CACNA1S: variants seen among roughly 807,000 people sequenced by gnomAD.
The protein encoded by CACNA1S is voltage-dependent L-type calcium channel subunit alpha-1S.
In CACNA1S, 126 loss-of-function variants were observed where a neutral mutation model predicts 207.4. That is an observed-to-expected ratio of 0.61 (90% confidence interval 0.53 to 0.70). The LOEUF is 0.70. Ranked by LOEUF, CACNA1S falls within the 30% of genes least tolerant of loss-of-function variation. The pLI, the probability that CACNA1S is intolerant of heterozygous loss-of-function variation, is 0.00. For missense variants in CACNA1S, 2,349 were observed against 2,422.8 expected (o/e 0.97, Z 0.64); for synonymous variants, 960 against 932.7 (o/e 1.03, Z -0.53).
At chr1:201,085,999 G>T (rs149072395) in intron 7 of CACNA1S, among the ~76,000 whole-genome samples, 3 of 152,286 alleles carry the variant, frequency 2.0e-5, no homozygotes, top group South Asian at 2.1e-4. Context: ...CAGACCAAAG[G>T]CCTGGGGAAA....
At position 201,062,523 on chromosome 1, in the gene CACNA1S, A is replaced by G; in HGVS notation, c.2854-9T>C. ...CACCTGAAGAACTTCCCCTGCAGCC[A>G]GGAAGAGGGAGGGAGGGAGGGAGGC... On this transcript the variant is annotated splice_polypyrimidine_tract_variant and intron_variant, in intron 22 of 43. Coordinates refer to ENST00000362061, the MANE Select transcript of CACNA1S (RefSeq NM_000069.3). 1 of 1,153,258 alleles carries G rather than the reference A, an allele frequency of 8.7e-7. No individual in the cohort carries two copies. The highest frequency in any genetic ancestry group is 1.2e-6 in the Non-Finnish European group (1 of 802,350). The allele number at this position is 1,153,258 out of a possible 1,614,324, so 71.4% of individuals were successfully genotyped here. A position where few individuals can be genotyped will look rare whatever the true frequency, so the allele number is the denominator to read the frequency against.
intron 32 of CACNA1S, among the ~76,000 whole-genome samples, chr1:201,052,195 T>C (rs1340186211): frequency 1.3e-5 from 2 of 152,228 alleles, no homozygotes; most frequent in Non-Finnish European, 2.9e-5. Flanking sequence ...AGCTTTGCTC[T>C]GCCTTTCCCT....
chr1:201,073,370 G>A (rs540687606), intron 15 of CACNA1S, among the ~76,000 whole-genome samples, 179 bp downstream of exon 15: 33 of 152,272 alleles, frequency 2.2e-4, no homozygotes, highest in Non-Finnish European at 2.4e-4. Flanking sequence ...CTCAGTGCAG[G>A]AGTCCCTGGA....
intron 23 of CACNA1S, 91 bp from the exon 24 acceptor site, chr1:201,062,181 G>C (rs1661075186): frequency 6.7e-7 from 1 of 1,493,920 alleles, no homozygotes; most frequent in Admixed American, 1.9e-5. Flanking sequence ...GGAGTGTGAA[G>C]GAGAAATGAA....
chr1:201,078,178 G>A (rs754144549), intron 10 of CACNA1S, 74 bp from the exon 11 acceptor site: 19 of 1,238,724 alleles, frequency 1.5e-5, no homozygotes, highest in Admixed American at 6.8e-5. Context: ...GCTGTGGCTG[G>A]GCCTCAACCC....
At chr1:201,094,443 AT>A (rs374430620) in intron 2 of CACNA1S, among the ~76,000 whole-genome samples, 3,927 of 150,688 alleles carry the variant, frequency 0.026, 168 homozygotes, top group African/African-American at 0.088. Flanking sequence ...ATTTTTGTCC[AT>A]TTTTTTTTCA....
chr1:201,099,545 A>G (rs1662562648), intron 2 of CACNA1S, among the ~76,000 whole-genome samples: 1 of 152,202 alleles, frequency 6.6e-6, no homozygotes, highest in Non-Finnish European at 1.5e-5. Context: ...CAATGGACTC[A>G]TATTCGTTGT....
At position 201,093,879 on chromosome 1, in the gene CACNA1S, C is replaced by T. The variant is rs764710968; in HGVS notation, c.398+3G>A. 85 of 1,614,030 alleles carry T rather than the reference C, an allele frequency of 5.3e-5. No individual in the cohort carries two copies. Among genetic ancestry groups the T allele is most frequent in the Non-Finnish European group, 7.0e-5 (83 of 1,180,034 alleles). On this transcript the variant is annotated splice_donor_region_variant and intron_variant, in intron 3 of 43. Transcript: ENST00000362061. ...CTTCAGTCTCCCCACACCCAGCTCT[C>T]ACCCCAGGAAGACAATGGTGAAGTC...
intron 14 of CACNA1S, 89 bp downstream of exon 14, chr1:201,074,417 A>G (rs1661532626): frequency 3.7e-6 from 3 of 800,062 alleles, no homozygotes; most frequent in East Asian, 5.2e-5. Flanking sequence ...GACCCTGATC[A>G]TTGGGTTACA....
intron 19 of CACNA1S, among the ~76,000 whole-genome samples, chr1:201,068,675 A>G (rs1661341484): frequency 6.6e-6 from 1 of 151,912 alleles, no homozygotes; most frequent in South Asian, 2.1e-4. Flanking sequence ...TATCAAGACC[A>G]TCCCAGCCAA....
Position 201,083,593 on chromosome 1 carries a change from C to T in CACNA1S, c.1233-271G>A, listed in dbSNP as rs114483353. On this transcript the variant is annotated intron_variant, in intron 9 of 43. Transcript: ENST00000362061. Reference sequence around the variant, plus strand: ...GCACAAGTGCCTGGCAAGGAGCAGACGCTCCGTGTGGTTTAATTTTAGTTA... The same window carrying T: ...GCACAAGTGCCTGGCAAGGAGCAGATGCTCCGTGTGGTTTAATTTTAGTTA... 0.013 allele frequency among the ~76,000 whole-genome samples: 2,027 copies of T among 152,274 alleles called. 46 individuals are homozygous for T. The highest frequency in any genetic ancestry group is 0.046 in the African/African-American group (1,929 of 41,552).
Position 201,083,321 on chromosome 1 carries a change from G to A in CACNA1S, c.1234C>T (p.Arg412Ter), listed in dbSNP as rs767052156. 4.3e-6 allele frequency: 7 copies of A among 1,614,146 alleles called. No homozygotes were observed. Among genetic ancestry groups the A allele is most frequent in the South Asian group, 1.1e-5 (1 of 91,070 alleles). The change falls in exon 10 of 44, where the codon CGA (arginine) becomes TGA (stop). Residue 412 changes from arginine (R) to a stop codon, truncating the protein, a stop_gained and splice_region_variant. Coordinates refer to ENST00000362061, the MANE Select transcript of CACNA1S (RefSeq NM_000069.3). LOFTEE classifies it high-confidence loss of function. ...ATGCGGTTCCACTGCCTCCAATGTC[G>A]GCTGAGGGAGGGGACAGAGGATGGT... ...AGLNKIIQFIRHWRQWNRIFR... is the reference protein window; with the variant it reads ...AGLNKIIQFI
chr1:201,108,445 T>C (rs896993638), intron 2 of CACNA1S, among the ~76,000 whole-genome samples: 66 of 152,168 alleles, frequency 4.3e-4, no homozygotes, highest in Admixed American at 4.0e-3. Flanking sequence ...AGAGTTTTTT[T>C]ACAAAAGTAG....
intron 28 of CACNA1S, among the ~76,000 whole-genome samples, chr1:201,056,535 C>T (rs1389357226): frequency 6.6e-6 from 1 of 152,222 alleles, no homozygotes; most frequent in African/African-American, 2.4e-5. Context: ...TGGGATCCCT[C>T]GTGGTCAGAT....
intron 6 of CACNA1S, among the ~76,000 whole-genome samples, chr1:201,088,574 G>T (rs1439998624): frequency 1.3e-5 from 2 of 152,322 alleles, no homozygotes; most frequent in Middle Eastern, 3.4e-3. Flanking sequence ...GAGCCAGGGG[G>T]ATCAGAGTTC....
chr1:201,040,871 C>A (rs1030176250), intron 41 of CACNA1S, among the ~76,000 whole-genome samples, 158 bp from the exon 42 acceptor site: 1 of 152,136 alleles, frequency 6.6e-6, no homozygotes. Flanking sequence ...CATGATGAGG[C>A]CCAATCAACT....
At chr1:201,050,640 T>C in intron 33 of CACNA1S, 124 bp from the exon 34 acceptor site, 1 of 1,057,774 alleles carries the variant, frequency 9.5e-7, no homozygotes, top group Non-Finnish European at 1.4e-6. Context: ...ATTCTAGCCC[T>C]TCTGAACCAC....
At chr1:201,106,195 C>T (rs567477046) in intron 2 of CACNA1S, among the ~76,000 whole-genome samples, 2 of 150,798 alleles carry the variant, frequency 1.3e-5, no homozygotes, top group Admixed American at 1.3e-4. Flanking sequence ...ACCATGGATT[C>T]CACCTGGCAG....
At position 201,091,686 on chromosome 1, in the gene CACNA1S, C is replaced by G; in HGVS notation, c.648G>C (p.Glu216Asp). ...MVIIYAIIGL[E>D]LFKGKMHKTC... The stretch of plus-strand genomic sequence containing the variant: ...TCTTGTGCATCTTGCCCTTGAAGAG[C>G]TCCAGCCCGATGATGGCATAGATGA... The change falls in exon 5 of 44, where the codon GAG becomes GAC. Residue 216 changes from glutamate to aspartate, a missense_variant. Coordinates refer to ENST00000362061, the MANE Select transcript of CACNA1S (RefSeq NM_000069.3). 1 of 1,614,230 alleles carries G rather than the reference C, an allele frequency of 6.2e-7. No individual in the cohort carries two copies. Among genetic ancestry groups the G allele is most frequent in the Non-Finnish European group, 8.5e-7 (1 of 1,180,042 alleles).
Sources: gnomAD v4.1 joint callset for allele counts (sites outside exome capture counted in the v4.1 genomes callset) on GRCh38, gnomAD v4.1.1 for gene constraint, MANE v1.5 for transcripts, NCBI Gene and HGNC (gene_info 2026-07-23, HGNC 2026-07-21) for gene names.